Variants in HORMAD2 observed in about 807,000 individuals in gnomAD.
HORMAD2 encodes HORMA domain containing 2.
Under a neutral mutation model 38.8 loss-of-function variants are expected in HORMAD2, and 45 were observed. The observed-to-expected ratio is 1.16, with a 90% CI of 0.91 to 1.49. The LOEUF (loss-of-function observed/expected upper bound fraction) is 1.49. HORMAD2 is among the 40% of genes most tolerant of loss of function. The pLI is 0.00. For missense variants in HORMAD2, 338 were observed against 367.0 expected, an observed-to-expected ratio of 0.92 and a Z score of 0.65; for synonymous variants, 126 against 122.8, an observed-to-expected ratio of 1.03 and a Z score of -0.17.
At chr22:30,115,287 C>T (rs1264264250) in intron 7 of HORMAD2, among the ~76,000 whole-genome samples, 3 of 152,048 alleles carry the variant, frequency 2.0e-5, no homozygotes, top group Non-Finnish European at 2.9e-5. Flanking sequence ...CCACAATGCC[C>T]AGTTATTTTT....
At chr22:30,112,665 C>T (rs1921751966) in intron 7 of HORMAD2, 143 bp downstream of exon 7, 1 of 439,422 alleles carries the variant, frequency 2.3e-6, no homozygotes, top group Non-Finnish European at 4.1e-6. Context: ...GTATATTTTA[C>T]TCTAAACTTG....
At chr22:30,157,500 C>G (rs184241264) in intron 10 of HORMAD2, among the ~76,000 whole-genome samples, 2 of 151,690 alleles carry the variant, frequency 1.3e-5, no homozygotes, top group Non-Finnish European at 2.9e-5. Context: ...TGGAACCCAG[C>G]CCCCTGGTTC....
chr22:30,158,441 G>A (rs1435306437), intron 10 of HORMAD2, among the ~76,000 whole-genome samples: 1 of 151,898 alleles, frequency 6.6e-6, no homozygotes, highest in Non-Finnish European at 1.5e-5. Context: ...TAGTGGTATA[G>A]CTTGCTCACT....
chr22:30,189,594 T>C, the HORMAD2 span, among the ~76,000 whole-genome samples: 1 of 152,102 alleles, frequency 6.6e-6, no homozygotes, highest in Admixed American at 6.6e-5. Flanking sequence ...GAGGACCTGA[T>C]CTGAGTGCAC....
chr22:30,125,210 TCTTTTC>T (rs1922753714), intron 10 of HORMAD2, among the ~76,000 whole-genome samples: 6 of 131,108 alleles, frequency 4.6e-5, no homozygotes, highest in African/African-American at 1.8e-4. Context: ...ACTTTCTTTT[TCTTTTC>T]TTTTTTTTTT....
chr22:30,143,923 A>T (rs1018426225), intron 10 of HORMAD2, among the ~76,000 whole-genome samples: 3 of 152,082 alleles, frequency 2.0e-5, no homozygotes, highest in African/African-American at 7.2e-5. Flanking sequence ...GCCATGTGAG[A>T]CACCTGCTCC....
the HORMAD2 span, among the ~76,000 whole-genome samples, chr22:30,192,520 A>G: frequency 6.6e-6 from 1 of 152,190 alleles, no homozygotes; most frequent in Non-Finnish European, 1.5e-5. Flanking sequence ...GTTTCAGAAC[A>G]AATTTTGAAT....
rs1924404266 is a variant in HORMAD2 at position 30,146,223 on chromosome 22, T to A, written c.819+24009T>A. On this transcript the variant is annotated intron_variant, in intron 10 of 10. Coordinates refer to ENST00000336726, the MANE Select transcript of HORMAD2 (RefSeq NM_152510.4). ...ATATGAAAGCTTTGGCCAGGCGCAG[T>A]GGCTCATGCCTGTAATCCTAACACT... is the stretch of plus-strand genomic sequence containing the variant. Among the ~76,000 whole-genome samples the A allele has an allele frequency of 2.0e-5, 3 of 152,342 alleles. No individual in the cohort carries two copies. The South Asian group carries it at 6.2e-4, about 32-fold the overall frequency.
At chr22:30,088,125 G>GTACACATGTGTACATATACACACA (rs1569079511) in intron 1 of HORMAD2, among the ~76,000 whole-genome samples, 1 of 149,224 alleles carries the variant, frequency 6.7e-6, no homozygotes, top group African/African-American at 2.5e-5. Flanking sequence ...ATACACACAC[G>GTACACATGTGTACATATACACACA]TACACATGTG....
chr22:30,096,268 C>A (rs967668481), intron 2 of HORMAD2, among the ~76,000 whole-genome samples: 3 of 152,216 alleles, frequency 2.0e-5, no homozygotes, highest in Non-Finnish European at 4.4e-5. Context: ...CTATAGTGAA[C>A]ATATAAGCAT....
intron 10 of HORMAD2, among the ~76,000 whole-genome samples, chr22:30,132,837 A>G (rs1183353822): frequency 6.6e-6 from 1 of 152,164 alleles, no homozygotes; most frequent in Non-Finnish European, 1.5e-5. Context: ...CACACTGATT[A>G]TCTGTATATG....
the HORMAD2 span, among the ~76,000 whole-genome samples, chr22:30,204,938 C>T: frequency 3.9e-5 from 6 of 152,180 alleles, no homozygotes; most frequent in Non-Finnish European, 7.3e-5. Context: ...GAGCAGACGC[C>T]GTGGGACTTT....
rs1236592738 is a variant in HORMAD2 at position 30,119,048 on chromosome 22, G to A, written c.410+1G>A. The A allele has an allele frequency of 1.3e-6, 2 of 1,566,778 alleles. No individual in the cohort carries two copies. Among genetic ancestry groups the A allele is most frequent in the Admixed American group, 1.8e-5 (1 of 54,434 alleles). On this transcript the variant is annotated splice_donor_variant, in intron 8 of 10. Transcript: ENST00000336726. LOFTEE classifies it high-confidence loss of function. ...AAGGAGCCACTATGGATTTTGACAG[G>A]TAGAATCTAACTGCTTAATGAACAT...
chr22:30,191,002 G>A, the HORMAD2 span, among the ~76,000 whole-genome samples: 1 of 152,162 alleles, frequency 6.6e-6, no homozygotes, highest in African/African-American at 2.4e-5. Context: ...GAATTGCTAT[G>A]AGCAAGAAAG....
At chr22:30,160,124 G>A (rs998037656) in intron 10 of HORMAD2, among the ~76,000 whole-genome samples, 1 of 151,852 alleles carries the variant, frequency 6.6e-6, no homozygotes, top group African/African-American at 2.4e-5. Context: ...TTACATATCT[G>A]TGTTCCTTAC....
At chr22:30,202,160 T>A in the HORMAD2 span, among the ~76,000 whole-genome samples, 3 of 152,208 alleles carry the variant, frequency 2.0e-5, no homozygotes, top group Non-Finnish European at 4.4e-5. Flanking sequence ...AGGCCTGTTA[T>A]GCTCCAGGCA....
intron 10 of HORMAD2, chr22:30,137,829 T>C (rs572870156): frequency 6.6e-6 from 1 of 152,380 alleles, no homozygotes; most frequent in African/African-American, 2.4e-5. Flanking sequence ...GTGATGGGCA[T>C]TTGGGTTCTT....
chr22:30,127,469 AGTGCTGGGATTACAG>A (rs1399795894), intron 10 of HORMAD2, among the ~76,000 whole-genome samples: 1 of 152,030 alleles, frequency 6.6e-6, no homozygotes, highest in Non-Finnish European at 1.5e-5. Context: ...GGCCTCCCAA[AGTGCTGGGATTACAG>A]GTGTGAACCA....
chr22:30,133,324 A>T (rs1205376351), intron 10 of HORMAD2, among the ~76,000 whole-genome samples: 1 of 152,040 alleles, frequency 6.6e-6, no homozygotes, highest in East Asian at 1.9e-4. Context: ...TTCTTTTAGC[A>T]TTTATATTAG....
Sources: gnomAD v4.1 joint callset for allele counts (sites outside exome capture counted in the v4.1 genomes callset) on GRCh38, gnomAD v4.1.1 for gene constraint, MANE v1.5 for transcripts, NCBI Gene and HGNC (gene_info 2026-07-23, HGNC 2026-07-21) for gene names.